The following GPC5 variants were observed in gnomAD, a reference collection of about 807,000 sequenced individuals.
The protein encoded by GPC5 is glypican 5.
Under a neutral mutation model 53.9 loss-of-function variants are expected in GPC5, and 47 were observed. The ratio of observed to expected loss-of-function variants is 0.87; its 90% CI spans 0.69 to 1.11. GPC5 has a LOEUF of 1.11. Among genes scored for constraint, GPC5 ranks in the 50% most tolerant of loss-of-function variants. The pLI is 0.00. For synonymous variants in GPC5, 286 were observed against 263.3 expected (o/e 1.09, Z -0.84); for missense variants, 748 against 713.1 (o/e 1.05, Z -0.56).
chr13:92,763,667 A>G (rs1203424600), intron 7 of GPC5, among the ~76,000 whole-genome samples: 1 of 152,154 alleles, frequency 6.6e-6, no homozygotes, highest in Non-Finnish European at 1.5e-5. Flanking sequence ...CTTGTGGTGC[A>G]GCTTCATTCT....
intron 6 of GPC5, among the ~76,000 whole-genome samples, chr13:92,051,433 CT>C (rs2041028394): frequency 6.6e-6 from 1 of 151,426 alleles, no homozygotes; most frequent in African/African-American, 2.4e-5. Flanking sequence ...ATCTCTTGAC[CT>C]TGTGATCCAT....
chr13:91,862,967 C>T (rs112718850), intron 5 of GPC5, among the ~76,000 whole-genome samples: 91 of 151,518 alleles, frequency 6.0e-4, no homozygotes, highest in African/African-American at 2.0e-3. Context: ...TTCCTCCTTT[C>T]CTTTCTCCTT....
chr13:92,614,206 G>T (rs1297836902), intron 7 of GPC5, among the ~76,000 whole-genome samples: 1 of 152,040 alleles, frequency 6.6e-6, no homozygotes, highest in South Asian at 2.1e-4. Flanking sequence ...ATAATTGAAT[G>T]TAAATGACCA....
intron 2 of GPC5, among the ~76,000 whole-genome samples, chr13:91,532,894 T>C (rs900763561): frequency 2.0e-5 from 3 of 152,010 alleles, no homozygotes; most frequent in African/African-American, 7.2e-5. Flanking sequence ...TAAAATGATA[T>C]AAAGTAAAAG....
chr13:92,585,828 G>A (rs1314686140), intron 7 of GPC5, among the ~76,000 whole-genome samples: 1 of 152,142 alleles, frequency 6.6e-6, no homozygotes, highest in Non-Finnish European at 1.5e-5. Flanking sequence ...GTAAGGGGGA[G>A]TTGTCCTGCA....
intron 1 of GPC5, among the ~76,000 whole-genome samples, chr13:91,441,835 T>C (rs868460318): frequency 6.6e-6 from 1 of 152,196 alleles, no homozygotes; most frequent in East Asian, 1.9e-4. Context: ...CATTTTTCTA[T>C]TGTGAATTTC....
At chr13:91,401,995 G>A (rs1876989431) in intron 1 of GPC5, among the ~76,000 whole-genome samples, 1 of 152,102 alleles carries the variant, frequency 6.6e-6, no homozygotes, top group Non-Finnish European at 1.5e-5. Context: ...GAAAAGAACT[G>A]TTACTGAAAG....
At chr13:91,402,407 A>G (rs926254450) in intron 1 of GPC5, among the ~76,000 whole-genome samples, 6 of 152,348 alleles carry the variant, frequency 3.9e-5, no homozygotes, top group South Asian at 2.1e-4. Flanking sequence ...TGCTTTCATT[A>G]TAATCAAATC....
chr13:92,668,301 C>T (rs1008526895), intron 7 of GPC5, among the ~76,000 whole-genome samples: 2 of 152,086 alleles, frequency 1.3e-5, no homozygotes, highest in Middle Eastern at 3.2e-3. Context: ...TTTTCCTCTT[C>T]CCATTTTATA....
chr13:92,215,143 C>T (rs998459671), intron 7 of GPC5, among the ~76,000 whole-genome samples: 3 of 152,132 alleles, frequency 2.0e-5, no homozygotes, highest in Non-Finnish European at 2.9e-5. Context: ...ATTATGCTAG[C>T]AGGAATAATT....
At chr13:92,599,981 A>G (rs1166064944) in intron 7 of GPC5, among the ~76,000 whole-genome samples, 2 of 152,224 alleles carry the variant, frequency 1.3e-5, no homozygotes, top group Non-Finnish European at 2.9e-5. Flanking sequence ...TTTAAAAGAC[A>G]TTTAACATAG....
intron 6 of GPC5, among the ~76,000 whole-genome samples, chr13:91,959,734 T>C (rs2139073056): frequency 6.6e-6 from 1 of 152,122 alleles, no homozygotes; most frequent in East Asian, 1.9e-4. Flanking sequence ...CATATTGTAA[T>C]ATGTAATAAT....
At chr13:92,184,587 A>T (rs934703150) in intron 7 of GPC5, among the ~76,000 whole-genome samples, 9 of 152,244 alleles carry the variant, frequency 5.9e-5, no homozygotes, top group Admixed American at 3.9e-4. Context: ...CCAGTGAAAG[A>T]TTAAACATTG....
chr13:92,157,031 T>C (rs1345650159), intron 7 of GPC5, among the ~76,000 whole-genome samples: 1 of 152,182 alleles, frequency 6.6e-6, no homozygotes, highest in Non-Finnish European at 1.5e-5. Context: ...CAAGCCTCTC[T>C]GTGCATGAGT....
intron 6 of GPC5, among the ~76,000 whole-genome samples, chr13:91,965,136 G>A (rs941438017): frequency 4.6e-5 from 7 of 151,944 alleles, no homozygotes; most frequent in Middle Eastern, 3.4e-3. Context: ...TAATGTAAAT[G>A]AGGAGTTAAT....
At chr13:92,114,270 G>T (rs1566441042) in intron 6 of GPC5, among the ~76,000 whole-genome samples, 1 of 152,070 alleles carries the variant, frequency 6.6e-6, no homozygotes, top group Non-Finnish European at 1.5e-5. Context: ...GATTCCCCAG[G>T]GCCAGCGCCT....
chr13:92,534,040 A>G (rs1386985770), intron 7 of GPC5, among the ~76,000 whole-genome samples: 1 of 152,104 alleles, frequency 6.6e-6, no homozygotes, highest in Non-Finnish European at 1.5e-5. Flanking sequence ...TCATCCCAGC[A>G]CTTTGGGAAG....
intron 6 of GPC5, among the ~76,000 whole-genome samples, chr13:91,920,159 G>A (rs1369374727): frequency 6.6e-6 from 1 of 151,972 alleles, no homozygotes; most frequent in Non-Finnish European, 1.5e-5. Flanking sequence ...AAAACAGACA[G>A]TACAGAAGGA....
At chr13:92,539,257 C>G (rs1881845532) in intron 7 of GPC5, among the ~76,000 whole-genome samples, 1 of 151,786 alleles carries the variant, frequency 6.6e-6, no homozygotes, top group South Asian at 2.1e-4. Flanking sequence ...CTGTCTTCCA[C>G]AATGGTTGAG....
Sources: allele counts gnomAD v4.1 joint callset (sites outside exome capture counted in the v4.1 genomes callset), GRCh38; gene constraint gnomAD v4.1.1; transcripts MANE v1.5; gene names NCBI Gene and HGNC (gene_info 2026-07-23, HGNC 2026-07-21).